Variants in CD163L1 observed in about 807,000 individuals in gnomAD.
CD163L1 encodes scavenger receptor cysteine-rich type 1 protein M160.
CD163L1 carries 124 observed loss-of-function variants against 165.4 expected under a neutral mutation model. The ratio of observed to expected loss-of-function variants is 0.75; its 90% CI spans 0.65 to 0.87. The LOEUF (loss-of-function observed/expected upper bound fraction) is 0.87, where lower values mean the gene tolerates loss of function less well. Ranked by LOEUF, CD163L1 falls within the 40% of genes least tolerant of loss-of-function variation. CD163L1 has a pLI of 0.00. For missense variants in CD163L1, 1,525 were observed against 1,799.9 expected (o/e 0.85, Z 2.76); for synonymous variants, 585 against 662.2 (o/e 0.88, Z 1.79).
chr12:7,346,788 G>C (rs138312394), exon 5 of CD163L1: 1 of 152,200 alleles, frequency 6.6e-6, no homozygotes, highest in Non-Finnish European at 1.5e-5. Context: ...GTAATATCTA[G>C]GCTAGCAGTT....
At chr12:7,344,941 C>A (rs1946659459), downstream of CD163L1, among the ~76,000 whole-genome samples, 1 of 152,166 alleles carries the variant, frequency 6.6e-6, no homozygotes, top group South Asian at 2.1e-4. Flanking sequence ...CTGGGCCTGG[C>A]CCCTGAAACC....
Position 7,368,867 on chromosome 12 carries a change from G to T in CD163L1, c.4072+66C>A. 1 of 1,551,212 alleles carries T rather than the reference G, an allele frequency of 6.4e-7. No homozygotes were observed. On this transcript the variant is annotated intron_variant, in intron 16 of 19. Coordinates refer to ENST00000313599, the MANE Select transcript of CD163L1 (RefSeq NM_174941.6). The surrounding 1 kb of genome is among the most constrained non-coding windows in gnomAD (Gnocchi z 4.3). The stretch of plus-strand genomic sequence containing the variant: ...TTCTTTGATTATCATAGCAGTTTCT[G>T]CCCTCCCTTGACCTTCCATGTAGCC...
chr12:7,376,613 A>G (rs1947276673), intron 9 of CD163L1, among the ~76,000 whole-genome samples: 1 of 152,214 alleles, frequency 6.6e-6, no homozygotes, highest in Non-Finnish European at 1.5e-5. Flanking sequence ...CCTTTCAAAC[A>G]TCTATCTAAG....
At chr12:7,338,649 G>T in the CD163L1 span, among the ~76,000 whole-genome samples, 1 of 152,042 alleles carries the variant, frequency 6.6e-6, no homozygotes, top group Non-Finnish European at 1.5e-5. Context: ...CTTCCTCCTG[G>T]TCTACCCCGC....
At chr12:7,328,907 G>GTA in the CD163L1 span, among the ~76,000 whole-genome samples, 1 of 148,526 alleles carries the variant, frequency 6.7e-6, no homozygotes, top group Non-Finnish European at 1.5e-5. Flanking sequence ...CTGTATATAT[G>GTA]TATATATATC....
chr12:7,396,214 T>C lies in CD163L1; in HGVS notation c.1931A>G (p.Lys644Arg), dbSNP rs780403895. Reference sequence around the variant, plus strand: ...ACAGGAAACATCATCGAGCCAAATTTTTCCATATCCTGTAGAAGCGTTTCC... The same window carrying C: ...ACAGGAAACATCATCGAGCCAAATTCTTCCATATCCTGTAGAAGCGTTTCC... ...GLGNASTGYG[K>R]IWLDDVSCDG... The change falls in exon 8 of 20, where the codon AAA (lysine) becomes AGA (arginine). Residue 644 changes from lysine (K) to arginine (R), a missense_variant. Coordinates refer to ENST00000313599, the MANE Select transcript of CD163L1 (RefSeq NM_174941.6). The C allele has an allele frequency of 2.5e-6, 4 of 1,614,172 alleles. No individual in the cohort carries two copies. Among genetic ancestry groups the C allele is most frequent in the African/African-American group, 1.3e-5 (1 of 75,046 alleles).
intron 8 of CD163L1, 90 bp from the exon 9 acceptor site, chr12:7,379,388 G>C: frequency 7.7e-7 from 1 of 1,299,428 alleles, no homozygotes; most frequent in Non-Finnish European, 1.0e-6. Flanking sequence ...ACATAGACCA[G>C]TGGCCAAAAG....
At position 7,435,576 on chromosome 12, in the gene CD163L1, ATGAG is replaced by A. The variant is rs763470901; in HGVS notation, c.125-1886_125-1883del. Among the ~76,000 whole-genome samples, 209 of 152,168 alleles carry A rather than the reference ATGAG, an allele frequency of 1.4e-3. 3 individuals carry two copies. Among genetic ancestry groups the A allele is most frequent in the African/African-American group, 4.9e-3 (205 of 41,572 alleles). On this transcript the variant is annotated intron_variant, in intron 2 of 19. Coordinates refer to ENST00000313599, the MANE Select transcript of CD163L1 (RefSeq NM_174941.6). ...ATTTAGAACTCTGAATATTTAAAAT[ATGAG>A]TGAGGATATGAGTCATATCCTCATA...
intron 17 of CD163L1, 166 bp from the exon 18 acceptor site, chr12:7,367,497 ATCC>A: frequency 2.0e-6 from 1 of 489,316 alleles, no homozygotes; most frequent in South Asian, 3.4e-5. Context: ...TTTAAAATTT[ATCC>A]TCCTTTTTCT....
At chr12:7,391,857 T>G (rs1007503425) in intron 8 of CD163L1, among the ~76,000 whole-genome samples, 7 of 152,106 alleles carry the variant, frequency 4.6e-5, no homozygotes, top group African/African-American at 1.7e-4. Context: ...AGGGATCAAT[T>G]CAACAAGAAG....
At chr12:7,365,042 A>G (rs777817505) in intron 18 of CD163L1, among the ~76,000 whole-genome samples, 138 of 152,272 alleles carry the variant, frequency 9.1e-4, no homozygotes, top group African/African-American at 3.3e-3. Context: ...AAATTATAGT[A>G]ACCAAATCAG....
the CD163L1 span, among the ~76,000 whole-genome samples, chr12:7,341,346 G>T: frequency 6.6e-6 from 1 of 152,198 alleles, no homozygotes; most frequent in African/African-American, 2.4e-5. Flanking sequence ...ATAGATATGG[G>T]AATCAGGACA....
chr12:7,427,375 GT>G (rs1364123505), intron 4 of CD163L1, among the ~76,000 whole-genome samples: 6 of 152,214 alleles, frequency 3.9e-5, no homozygotes, highest in Non-Finnish European at 7.4e-5. Context: ...GATATCCCAT[GT>G]TTATGGATTA....
At position 7,369,342 on chromosome 12, in the gene CD163L1, C is replaced by T; in HGVS notation, c.4039+15G>A. 6.2e-7 allele frequency: 1 copy of T among 1,609,218 alleles called. No individual in the cohort carries two copies. The highest frequency in any genetic ancestry group is 1.3e-5 in the African/African-American group (1 of 74,974). On this transcript the variant is annotated intron_variant, in intron 15 of 19. Coordinates refer to ENST00000313599, the MANE Select transcript of CD163L1 (RefSeq NM_174941.6). This position sits in a 1 kb window ranked among gnomAD's most constrained non-coding sequence, Gnocchi z 4.9. ...AGTGGGAGGCTCAGTTTAAGTGCAG[C>T]CTTTTCACACTTACCAGAGCACCTC...
At chr12:7,355,402 G>C (rs772019688) in intron 19 of CD163L1, among the ~76,000 whole-genome samples, 5 of 152,226 alleles carry the variant, frequency 3.3e-5, no homozygotes, top group African/African-American at 1.2e-4. Flanking sequence ...AAGAAAAAGA[G>C]TGTTAAATAA....
chr12:7,332,371 C>A, the CD163L1 span, among the ~76,000 whole-genome samples: 8 of 151,072 alleles, frequency 5.3e-5, no homozygotes, highest in South Asian at 2.1e-4. Flanking sequence ...AGGATATTAT[C>A]CAGGAGAACT....
chr12:7,342,991 T>C (rs976493638), downstream of CD163L1, among the ~76,000 whole-genome samples: 3 of 152,202 alleles, frequency 2.0e-5, no homozygotes, highest in Non-Finnish European at 4.4e-5. Context: ...TCCTCTTTGT[T>C]CACCTCTCTC....
At chr12:7,409,761 T>G (rs1027360952) in intron 4 of CD163L1, among the ~76,000 whole-genome samples, 6 of 152,204 alleles carry the variant, frequency 3.9e-5, no homozygotes, top group African/African-American at 1.4e-4. Context: ...AGATTTAATC[T>G]CTAACTGTGA....
chr12:7,367,933 T>C, intron 17 of CD163L1, 154 bp downstream of exon 17: 1 of 586,448 alleles, frequency 1.7e-6, no homozygotes, highest in Non-Finnish European at 3.1e-6. Flanking sequence ...TGATTCTTGA[T>C]CATTCCACAT....
Sources: allele counts gnomAD v4.1 joint callset (sites outside exome capture counted in the v4.1 genomes callset), GRCh38; gene constraint gnomAD v4.1.1; non-coding constraint Gnocchi (gnomAD v3.1); transcripts MANE v1.5; gene names NCBI Gene and HGNC (gene_info 2026-07-23, HGNC 2026-07-21).